Variants in KRABD2 observed in about 807,000 individuals in gnomAD.
The protein encoded by KRABD2 is KRAB domain containing 2.
At chr17:8,364,169 C>G in the KRABD2 span, among the ~76,000 whole-genome samples, 1 of 151,728 alleles carries the variant, frequency 6.6e-6, no homozygotes. The surrounding 1 kb of genome is among the most constrained non-coding windows in gnomAD (Gnocchi z 4.4). Context: ...GCACCCAGCC[C>G]CCCAATATTT....
chr17:8,363,863 T>TATACA, the KRABD2 span, among the ~76,000 whole-genome samples: 2 of 55,744 alleles, frequency 3.6e-5, no homozygotes, highest in African/African-American at 1.4e-4. Flanking sequence ...ATATATATAT[T>TATACA]TATTTATTTA....
At chr17:8,368,923 G>C in the KRABD2 span, 4 of 783,746 alleles carry the variant, frequency 5.1e-6, no homozygotes, top group South Asian at 6.6e-5. Context: ...GGGCATGAGC[G>C]CTGCGCCCGG....
the KRABD2 span, chr17:8,375,949 A>G: frequency 8.1e-7 from 1 of 1,230,478 alleles, no homozygotes; most frequent in Non-Finnish European, 1.0e-6. Flanking sequence ...CCTCGCATTG[A>G]TCCTCCCAAT....
chr17:8,359,250 G>C, the KRABD2 span, among the ~76,000 whole-genome samples: 1 of 152,158 alleles, frequency 6.6e-6, no homozygotes, highest in African/African-American at 2.4e-5. Flanking sequence ...ACATGTACTG[G>C]GGAGGTTAAC....
the KRABD2 span, chr17:8,375,901 T>TGTGAAGGGA: frequency 8.1e-7 from 1 of 1,228,562 alleles, no homozygotes; most frequent in Non-Finnish European, 1.0e-6. Context: ...TTCACCCACC[T>TGTGAAGGGA]GTGAGTCTTC....
At chr17:8,371,215 G>A in the KRABD2 span, 21 of 1,132,470 alleles carry the variant, frequency 1.9e-5, no homozygotes, top group African/African-American at 2.8e-4. Context: ...TTATCTTGGG[G>A]AATCGAGAAG....
chr17:8,368,910 T>TA, the KRABD2 span: 1 of 661,832 alleles, frequency 1.5e-6, no homozygotes, highest in Non-Finnish European at 2.3e-6. Context: ...GTGCTGGGAT[T>TA]ACGGGCATGA....
At chr17:8,368,011 C>T in the KRABD2 span, among the ~76,000 whole-genome samples, 1 of 147,408 alleles carries the variant, frequency 6.8e-6, no homozygotes, top group South Asian at 2.1e-4. Context: ...GCCTGTAATC[C>T]TAGCACTTTG....
chr17:8,366,245 ACT>A, the KRABD2 span, among the ~76,000 whole-genome samples: 6 of 152,078 alleles, frequency 3.9e-5, no homozygotes, highest in African/African-American at 1.4e-4. Flanking sequence ...TGGGCTGGGC[ACT>A]CTTAGGCATT....
chr17:8,363,829 A>ATAT, the KRABD2 span, among the ~76,000 whole-genome samples: 39 of 47,870 alleles, frequency 8.1e-4, no homozygotes, highest in African/African-American at 3.5e-3. Context: ...TATATATCAT[A>ATAT]CATATATATA....
chr17:8,363,826 C>CAT, the KRABD2 span, among the ~76,000 whole-genome samples: 118 of 54,124 alleles, frequency 2.2e-3, no homozygotes, highest in Non-Finnish European at 2.7e-3. Context: ...ATATATATAT[C>CAT]ATACATATAT....
chr17:8,369,800 C>T, the KRABD2 span: 1 of 1,614,084 alleles, frequency 6.2e-7, no homozygotes, highest in Non-Finnish European at 8.5e-7. Flanking sequence ...CGGCACTGGA[C>T]TGCATGTCAA....
At chr17:8,362,792 T>G in the KRABD2 span, among the ~76,000 whole-genome samples, 1 of 152,210 alleles carries the variant, frequency 6.6e-6, no homozygotes, top group African/African-American at 2.4e-5. This position sits in a 1 kb window ranked among gnomAD's most constrained non-coding sequence, Gnocchi z 4.2. Flanking sequence ...CCTCTCAATG[T>G]GGGCCTCTCC....
the KRABD2 span, chr17:8,370,321 C>T: frequency 1.2e-6 from 2 of 1,610,350 alleles, no homozygotes; most frequent in African/African-American, 2.7e-5. Flanking sequence ...ATTTCACTTG[C>T]ATTTGAAACC....
chr17:8,365,829 T>C, the KRABD2 span: 1 of 152,202 alleles, frequency 6.6e-6, no homozygotes, highest in South Asian at 2.1e-4. Context: ...AGGACACTTG[T>C]ATGAAGAATA....
the KRABD2 span, chr17:8,368,889 G>GCA: frequency 3.9e-6 from 2 of 518,450 alleles, no homozygotes; most frequent in Non-Finnish European, 6.4e-6. Flanking sequence ...CGCCCACCTT[G>GCA]GCCTACCAAA....
At chr17:8,374,917 G>A in the KRABD2 span, among the ~76,000 whole-genome samples, 2 of 79,558 alleles carry the variant, frequency 2.5e-5, no homozygotes, top group Admixed American at 2.0e-4. Context: ...CAGCCTGGGC[G>A]ACAGAGCCAG....
At chr17:8,366,645 C>T in the KRABD2 span, among the ~76,000 whole-genome samples, 2 of 152,260 alleles carry the variant, frequency 1.3e-5, no homozygotes, top group East Asian at 3.9e-4. Flanking sequence ...AAGCGGGAAA[C>T]AGAGCCCAGT....
At chr17:8,359,704 T>C in the KRABD2 span, 1 of 455,976 alleles carries the variant, frequency 2.2e-6, no homozygotes, top group Admixed American at 2.4e-5. Flanking sequence ...GGTGGCAGTT[T>C]CAGGTGTCTG....
Sources: gnomAD v4.1 joint callset for allele counts (sites outside exome capture counted in the v4.1 genomes callset) on GRCh38, gnomAD v4.1.1 for gene constraint, Gnocchi (gnomAD v3.1) non-coding constraint, MANE v1.5 for transcripts, NCBI Gene and HGNC (gene_info 2026-07-23, HGNC 2026-07-21) for gene names.